The following ZDHHC13 variants were observed in gnomAD, a reference collection of about 807,000 sequenced individuals.
The protein encoded by ZDHHC13 is palmitoyltransferase ZDHHC13.
Under a neutral mutation model 86.0 loss-of-function variants are expected in ZDHHC13, and 85 were observed. The observed-to-expected ratio is 0.99, with a 90% CI of 0.83 to 1.18. The LOEUF (loss-of-function observed/expected upper bound fraction) is 1.18. Among genes scored for constraint, ZDHHC13 ranks in the 50% most tolerant of loss-of-function variants. ZDHHC13 has a pLI of 0.00. For missense variants in ZDHHC13, 711 were observed against 730.2 expected (o/e 0.97, Z 0.30); for synonymous variants, 263 against 246.4 (o/e 1.07, Z -0.63).
chr11:19,145,685 T>C (rs1250265411), intron 2 of ZDHHC13, among the ~76,000 whole-genome samples: 1 of 152,246 alleles, frequency 6.6e-6, no homozygotes, highest in Non-Finnish European at 1.5e-5. Flanking sequence ...ACCTATAAAA[T>C]ATAGCTTAGT....
chr11:19,127,885 A>G (rs1482103125), intron 1 of ZDHHC13, among the ~76,000 whole-genome samples: 3 of 152,176 alleles, frequency 2.0e-5, no homozygotes, highest in Non-Finnish European at 2.9e-5. Flanking sequence ...AGGTAGTGTA[A>G]TTCCTCCAGC....
In ZDHHC13 at chr11:19,175,927, C is replaced by A; in HGVS notation, c.1836C>A (p.His612Gln). 1 of 1,611,538 alleles carries A rather than the reference C, an allele frequency of 6.2e-7. No homozygotes were observed. The highest frequency in any genetic ancestry group is 1.3e-5 in the African/African-American group (1 of 74,852). ...DWTSQYTMVFHPAREKVLRSV is the reference protein window; with the variant it reads ...DWTSQYTMVFQPAREKVLRSV ...CATCACAGTACACCATGGTCTTTCA[C>A]CCAGCCAGGGAGAAGGTTCTTCGCT... The change falls in exon 17 of 17, where the codon CAC becomes CAA. Residue 612 changes from histidine (H) to glutamine (Q), a missense_variant. Physicochemically the swap from His to Gln is conservative, Grantham distance 24. Transcript: ENST00000446113.
intron 1 of ZDHHC13, among the ~76,000 whole-genome samples, chr11:19,120,086 A>G (rs1386245207): frequency 1.3e-5 from 2 of 152,264 alleles, no homozygotes. Flanking sequence ...AATCTCATTC[A>G]TGACATCTCT....
chr11:19,135,130 C>T (rs943119044), intron 1 of ZDHHC13, among the ~76,000 whole-genome samples: 12 of 152,198 alleles, frequency 7.9e-5, no homozygotes, highest in East Asian at 1.9e-4. Flanking sequence ...ACGCAGAAGA[C>T]GGGTGATTTC....
Position 19,166,199 on chromosome 11 carries a change from T to C in ZDHHC13, c.1391-103T>C, listed in dbSNP as rs983919552. 5 of 870,006 alleles carry C rather than the reference T, an allele frequency of 5.7e-6. No homozygotes were observed. The African/African-American group carries it at 8.6e-5, about 15-fold the overall frequency. 53.9% of individuals were successfully genotyped at this position (870,006 alleles called of 1,614,324 possible). ...CAAAGCAACAGCTTTATTTCTGTTT[T>C]ACTTTGGTGAAGACTTTTGACAGGA... is the stretch of plus-strand genomic sequence containing the variant. On this transcript the variant is annotated intron_variant, in intron 13 of 16. Transcript: ENST00000446113.
At chr11:19,119,982 A>G (rs75331719) in intron 1 of ZDHHC13, among the ~76,000 whole-genome samples, 6,534 of 152,280 alleles carry the variant, frequency 0.043, 254 homozygotes, top group East Asian at 0.21. Flanking sequence ...AATGCCTGTC[A>G]TTGGAGTTTA....
rs188094959 is a variant in ZDHHC13, at chr11:19,145,597, T to C, written c.174-584T>C. On this transcript the variant is annotated intron_variant, in intron 2 of 16. Transcript: ENST00000446113. ...CTTTAGCAATGTTAAATTGCTTTTA[T>C]TTCTCTGAACATCCATGTAGTTTCA... 3.9e-4 allele frequency among the ~76,000 whole-genome samples: 60 copies of C among 152,374 alleles called. No homozygotes were observed. The East Asian group carries it at 0.01, about 26-fold the overall frequency.
At chr11:19,126,506 T>TTC in intron 1 of ZDHHC13, among the ~76,000 whole-genome samples, 1 of 140,352 alleles carries the variant, frequency 7.1e-6, no homozygotes, top group South Asian at 2.3e-4. Context: ...TGGCTAATTT[T>TTC]TTTTTTTTTT....
intron 1 of ZDHHC13, among the ~76,000 whole-genome samples, chr11:19,118,506 AGTTG>A (rs143458427): frequency 0.1 from 15,340 of 152,230 alleles, 1,039 homozygotes; most frequent in Non-Finnish European, 0.14. Context: ...CTCAAAGAAA[AGTTG>A]GTAGGAGTAA....
At chr11:19,163,273 G>T in intron 10 of ZDHHC13, 30 bp from the exon 11 acceptor site, 1 of 1,555,688 alleles carries the variant, frequency 6.4e-7, no homozygotes, top group East Asian at 2.3e-5. Flanking sequence ...TTTAAAGGAA[G>T]TTTGGTGTAT....
At position 19,166,320 on chromosome 11, in the gene ZDHHC13, A is replaced by C; in HGVS notation, c.1409A>C (p.Tyr470Ser). Reference protein sequence around the residue: ...GRCIGFGNHHYYIFFLFFLSM... With the variant: ...GRCIGFGNHHSYIFFLFFLSM... ...TCTTGAGGTTTTGGCAACCATCACT[A>C]TTACATATTCTTCTTGTTTTTCCTT... is the stretch of plus-strand genomic sequence containing the variant. Residue 470 changes from tyrosine to serine, a missense_variant, in exon 14 of 17, where the codon TAT (tyrosine) becomes TCT (serine). Physicochemically the swap from Tyr to Ser is moderately radical, Grantham distance 144. Coordinates refer to ENST00000446113, the MANE Select transcript of ZDHHC13 (RefSeq NM_019028.3). 1 of 1,611,622 alleles carries C rather than the reference A, an allele frequency of 6.2e-7. No individual in the cohort carries two copies. The highest frequency in any genetic ancestry group is 1.7e-5 in the Admixed American group (1 of 59,822).
At chr11:19,124,868 G>GCTGATTTACCTTTTTTCTCT (rs973878012) in intron 1 of ZDHHC13, among the ~76,000 whole-genome samples, 2 of 152,084 alleles carry the variant, frequency 1.3e-5, no homozygotes, top group African/African-American at 4.8e-5. Flanking sequence ...CAAATCAGTA[G>GCTGATTTACCTTTTTTCTCT]CTGATTTACC....
At chr11:19,140,177 G>A (rs1849271987) in intron 1 of ZDHHC13, among the ~76,000 whole-genome samples, 1 of 150,726 alleles carries the variant, frequency 6.6e-6, no homozygotes, top group African/African-American at 2.5e-5. Context: ...CTGACAAAGG[G>A]CTAATATCCA....
intron 5 of ZDHHC13, 107 bp downstream of exon 5, chr11:19,149,438 TC>T: frequency 8.7e-7 from 1 of 1,149,364 alleles, no homozygotes; most frequent in Non-Finnish European, 1.2e-6. Context: ...TTAATGGATA[TC>T]CAGATATTCA....
chr11:19,151,890 A>T (rs1457684619), intron 6 of ZDHHC13, among the ~76,000 whole-genome samples: 2 of 152,098 alleles, frequency 1.3e-5, no homozygotes, highest in Admixed American at 6.5e-5. Context: ...CAACAATATG[A>T]AAGGAAAAGT....
At chr11:19,146,889 T>G (rs1194297108) in intron 3 of ZDHHC13, among the ~76,000 whole-genome samples, 1 of 152,110 alleles carries the variant, frequency 6.6e-6, no homozygotes, top group African/African-American at 2.4e-5. Context: ...TTTAAGAAAT[T>G]TATTAAGGTT....
chr11:19,162,320 T>A (rs1849934894), intron 10 of ZDHHC13, among the ~76,000 whole-genome samples: 1 of 152,150 alleles, frequency 6.6e-6, no homozygotes, highest in Non-Finnish European at 1.5e-5. Context: ...TGCAAAAGTG[T>A]TACCAGCTTA....
chr11:19,150,601 G>A, intron 5 of ZDHHC13, 126 bp from the exon 6 acceptor site: 1 of 724,428 alleles, frequency 1.4e-6, no homozygotes, highest in Non-Finnish European at 2.2e-6. Context: ...TTTATCAAAT[G>A]ATATTTGAGC....
chr11:19,165,459 C>T (rs1850037228), intron 13 of ZDHHC13, among the ~76,000 whole-genome samples: 1 of 152,184 alleles, frequency 6.6e-6, no homozygotes, highest in Non-Finnish European at 1.5e-5. Flanking sequence ...GCCTAGGTCT[C>T]CTGATTCCAA....
Sources: gnomAD v4.1 joint callset for allele counts (sites outside exome capture counted in the v4.1 genomes callset) on GRCh38, gnomAD v4.1.1 for gene constraint, MANE v1.5 for transcripts, NCBI Gene and HGNC (gene_info 2026-07-23, HGNC 2026-07-21) for gene names.